Variants in TET3 observed in about 807,000 individuals in gnomAD.
TET3 encodes the protein methylcytosine dioxygenase TET3.
Under a neutral mutation model 141.4 loss-of-function variants are expected in TET3, and 19 were observed. That is an observed-to-expected ratio of 0.13 (90% CI 0.09 to 0.20). TET3 has a LOEUF of 0.20. TET3 is among the 10% of genes least tolerant of loss of function. The pLI is 1.00. For synonymous variants in TET3, 1,043 were observed against 980.9 expected, an observed-to-expected ratio of 1.06 and a Z score of -1.18; for missense variants, 1,874 against 2,356.9, an observed-to-expected ratio of 0.80 and a Z score of 4.24.
At chr2:74,088,143 T>C (rs748344160) in intron 7 of TET3, 105 bp downstream of exon 7, 199 of 1,163,926 alleles carry the variant, frequency 1.7e-4, no homozygotes, top group Middle Eastern at 4.1e-4. Context: ...GGGCCCTCTC[T>C]GCGGCACTGT....
chr2:74,124,418 A>G, the TET3 span, among the ~76,000 whole-genome samples: 1 of 151,620 alleles, frequency 6.6e-6, no homozygotes, highest in Admixed American at 6.6e-5. Context: ...CCCAGCCGCC[A>G]CCCCGTCTGG....
chr2:74,100,975 T>C lies in TET3; in HGVS notation c.4187T>C (p.Ile1396Thr), dbSNP rs368640530. 5 of 1,612,118 alleles carry C rather than the reference T, an allele frequency of 3.1e-6. No homozygotes were observed. Among genetic ancestry groups the C allele is most frequent in the Non-Finnish European group, 4.2e-6 (5 of 1,179,294 alleles). ...AQSSNCYNRS[I>T]KQEPVDPLTQ... ...AGCTCCAACTGCTACAACAGATCCA[T>C]CAAGCAAGAGCCAGTAGACCCGCTG... Residue 1396 changes from isoleucine (I) to threonine (T), a missense_variant, in exon 12 of 12, where the codon ATC (isoleucine) becomes ACC (threonine). By Grantham distance (89) the Ile-to-Thr change is moderately conservative. Transcript: ENST00000409262.
chr2:74,096,081 T>A (rs557470836), intron 10 of TET3, among the ~76,000 whole-genome samples: 35 of 152,368 alleles, frequency 2.3e-4, no homozygotes, highest in African/African-American at 7.9e-4. Context: ...CTTATTTTTT[T>A]AATCAGGCTA....
intron 11 of TET3, among the ~76,000 whole-genome samples, chr2:74,099,906 C>T (rs1691077801): frequency 6.6e-6 from 1 of 152,142 alleles, no homozygotes; most frequent in Non-Finnish European, 1.5e-5. Context: ...CTAGTTTGCT[C>T]CCCTCTGAGA....
At chr2:74,062,368 A>G (rs1432937369) in intron 4 of TET3, among the ~76,000 whole-genome samples, 1 of 152,276 alleles carries the variant, frequency 6.6e-6, no homozygotes, top group Non-Finnish European at 1.5e-5. Flanking sequence ...GGCGATGAAC[A>G]CTAAATCTGT....
Position 74,046,847 on chromosome 2 carries a change from T to G in TET3, c.930T>G (p.Pro310=), listed in dbSNP as rs1395619609. The G allele has an allele frequency of 6.2e-7, 1 of 1,613,364 alleles. No homozygotes were observed. Among genetic ancestry groups the G allele is most frequent in the South Asian group, 1.1e-5 (1 of 91,082 alleles). The part of the protein sequence containing the change: ...ERPRLPGPLP[P]GEAGLPAPST... ...CCAGGCTCCCAGGGCCTCTGCCTCC[T>G]GGTGAGGCCGGCCTCCCAGCACCAA... The change falls in exon 4 of 12, where the codon CCT becomes CCG. Residue 310 remains proline, a synonymous_variant. Transcript: ENST00000409262. The surrounding 1 kb of genome is among the most constrained non-coding windows in gnomAD (Gnocchi z 4.3).
chr2:74,026,346 A>G (rs1163776131), intron 3 of TET3, among the ~76,000 whole-genome samples: 2 of 152,060 alleles, frequency 1.3e-5, no homozygotes, highest in East Asian at 1.9e-4. Flanking sequence ...TGTGGGTTTT[A>G]ACACCCCTGT....
At chr2:74,032,509 T>TGTG (rs1686806043) in intron 3 of TET3, among the ~76,000 whole-genome samples, 5 of 47,450 alleles carry the variant, frequency 1.1e-4, no homozygotes, top group Admixed American at 6.0e-4. Flanking sequence ...GTGTGTGTGT[T>TGTG]AGGGGAGTTG....
intron 3 of TET3, among the ~76,000 whole-genome samples, chr2:74,019,542 G>A (rs1685917317): frequency 6.6e-6 from 1 of 152,128 alleles, no homozygotes; most frequent in Non-Finnish European, 1.5e-5. Context: ...CCCAGTGGTG[G>A]GGTGCTCATC....
chr2:74,014,721 A>G (rs982090717), intron 3 of TET3, among the ~76,000 whole-genome samples: 3 of 152,104 alleles, frequency 2.0e-5, no homozygotes, highest in Non-Finnish European at 4.4e-5. Context: ...AGAGAAAAAA[A>G]ACTGAGACTT....
chr2:74,097,228 C>CACACACACACACACACAT (rs767965023), intron 10 of TET3, among the ~76,000 whole-genome samples: 1 of 150,696 alleles, frequency 6.6e-6, no homozygotes, highest in Non-Finnish European at 1.5e-5. Flanking sequence ...CACACACACA[C>CACACACACACACACACAT]ACATACATTC....
intron 3 of TET3, among the ~76,000 whole-genome samples, chr2:74,018,354 A>T (rs563056415): frequency 6.6e-6 from 1 of 152,204 alleles, no homozygotes; most frequent in African/African-American, 2.4e-5. Context: ...TTTTGAAAAA[A>T]ATTTTGGCCT....
rs1328114325 is a variant in TET3, at chr2:74,046,094, C to T, written c.361-184C>T. Reference sequence around the variant, plus strand: ...CTTAAAGATCTTCTTTTTGTTTCTGCTGGTGAAGCTCCCTAGGGAACCAGA... The same window carrying T: ...CTTAAAGATCTTCTTTTTGTTTCTGTTGGTGAAGCTCCCTAGGGAACCAGA... On this transcript the variant is annotated intron_variant, in intron 3 of 11. Coordinates refer to ENST00000409262, the MANE Select transcript of TET3 (RefSeq NM_001287491.2). The surrounding 1 kb of genome is among the most constrained non-coding windows in gnomAD (Gnocchi z 4.3). Among the ~76,000 whole-genome samples the T allele has an allele frequency of 6.6e-6, 1 of 152,148 alleles. No individual in the cohort carries two copies. Among genetic ancestry groups the T allele is most frequent in the Non-Finnish European group, 1.5e-5 (1 of 68,034 alleles).
intron 2 of TET3, among the ~76,000 whole-genome samples, chr2:73,990,735 G>C (rs893542773): frequency 2.0e-5 from 3 of 152,184 alleles, no homozygotes; most frequent in Non-Finnish European, 2.9e-5. Context: ...TGCCAGATTT[G>C]AGTCAAGATA....
intron 7 of TET3, among the ~76,000 whole-genome samples, chr2:74,089,326 G>C (rs1426944029): frequency 6.6e-6 from 1 of 152,170 alleles, no homozygotes. Context: ...TGACGTGTGT[G>C]TCAGTAGCTC....
At position 74,020,936 on chromosome 2, in the gene TET3, C is replaced by T. The variant is rs1490182198; in HGVS notation, c.360+17770C>T. Among the ~76,000 whole-genome samples the T allele has an allele frequency of 2.0e-5, 3 of 152,190 alleles. No individual in the cohort carries two copies. In the East Asian group the frequency reaches 5.8e-4, roughly 29 times the overall value. ...ATTTATCCCGTGGTCTGTGCTCACC[C>T]TCCCCTTCCCACTCACTCATCTCCC... is the stretch of plus-strand genomic sequence containing the variant. On this transcript the variant is annotated intron_variant, in intron 3 of 11. Coordinates refer to ENST00000409262, the MANE Select transcript of TET3 (RefSeq NM_001287491.2).
At chr2:74,005,891 A>G (rs370492152) in intron 3 of TET3, among the ~76,000 whole-genome samples, 64 of 152,246 alleles carry the variant, frequency 4.2e-4, no homozygotes, top group African/African-American at 1.5e-3. Flanking sequence ...CACTGTTGCT[A>G]CCACCTCCTC....
chr2:74,132,048 G>T, the TET3 span, among the ~76,000 whole-genome samples: 9 of 152,174 alleles, frequency 5.9e-5, no homozygotes, highest in African/African-American at 2.2e-4. Context: ...GTGTCCGGAG[G>T]TTCCTAGGCG....
intron 2 of TET3, 132 bp from the exon 3 acceptor site, chr2:74,002,978 C>T (rs1015225522): frequency 8.6e-6 from 8 of 934,812 alleles, no homozygotes; most frequent in African/African-American, 4.9e-5. Flanking sequence ...CCCAGATAGC[C>T]TTTCTTTCCC....
Sources: gnomAD v4.1 joint callset for allele counts (sites outside exome capture counted in the v4.1 genomes callset) on GRCh38, gnomAD v4.1.1 for gene constraint, Gnocchi (gnomAD v3.1) non-coding constraint, MANE v1.5 for transcripts, NCBI Gene and HGNC (gene_info 2026-07-23, HGNC 2026-07-21) for gene names.